Variants in ZFAT observed in about 807,000 individuals in gnomAD.
ZFAT encodes the protein zinc finger protein ZFAT.
ZFAT carries 64 observed loss-of-function variants against 117.7 expected under a neutral mutation model. The observed-to-expected ratio is 0.54, with a 90% confidence interval of 0.44 to 0.67. The LOEUF is 0.67. Among genes scored for constraint, ZFAT ranks in the 30% least tolerant of loss-of-function variants. The probability of loss-of-function intolerance (pLI) is 0.00; values close to 1 mark genes in which losing one functional copy is unlikely to be tolerated. For synonymous variants in ZFAT, 679 were observed against 615.0 expected (o/e 1.10, Z -1.54); for missense variants, 1,433 against 1,584.5 (o/e 0.90, Z 1.62).
At chr8:134,779,877 A>G in the ZFAT span, among the ~76,000 whole-genome samples, 7 of 152,164 alleles carry the variant, frequency 4.6e-5, no homozygotes, top group South Asian at 2.1e-4. Context: ...AAGGTAGGAT[A>G]AATGTGGTGA....
the ZFAT span, among the ~76,000 whole-genome samples, chr8:134,761,527 C>T: frequency 4.6e-3 from 694 of 151,240 alleles, 3 homozygotes; most frequent in Non-Finnish European, 7.4e-3. Context: ...TGGTGAAACC[C>T]CGTCTCTACT....
chr8:134,512,765 C>T (rs1313740235), intron 13 of ZFAT, among the ~76,000 whole-genome samples, 164 bp from the exon 14 acceptor site: 2 of 152,216 alleles, frequency 1.3e-5, no homozygotes, highest in African/African-American at 4.8e-5. Context: ...CCATACACTT[C>T]TCAAAGAGAA....
intron 1 of ZFAT, among the ~76,000 whole-genome samples, chr8:134,704,804 G>GA (rs1170451212): frequency 1.3e-5 from 2 of 151,348 alleles, no homozygotes; most frequent in African/African-American, 4.9e-5. Flanking sequence ...CCACGTGCAA[G>GA]AAAAAAACAT....
chr8:134,510,516 C>T (rs905113003), intron 14 of ZFAT, among the ~76,000 whole-genome samples: 1 of 152,124 alleles, frequency 6.6e-6, no homozygotes, highest in African/African-American at 2.4e-5. Flanking sequence ...AATAAGAGAT[C>T]AGAGAAGGGG....
chr8:134,653,990 A>T (rs994184556), intron 2 of ZFAT, among the ~76,000 whole-genome samples: 8 of 152,130 alleles, frequency 5.3e-5, no homozygotes, highest in African/African-American at 1.9e-4. Flanking sequence ...TATTGCTTTA[A>T]TTTTCTTTTA....
chr8:134,676,255 C>CAA lies in ZFAT; in HGVS notation c.20-18520_20-18519dup, dbSNP rs146638821. On this transcript the variant is annotated intron_variant, in intron 1 of 15. Transcript: ENST00000377838. The stretch of plus-strand genomic sequence containing the variant: ...GAAGATCTACCAAGCAAATGGAAAG[C>CAA]AAAAAAAAAAAAAAAAAAAAAAATC... Among the ~76,000 whole-genome samples the CAA allele has an allele frequency of 6.7e-3, 536 of 80,546 alleles. 7 individuals are homozygous for CAA. Among genetic ancestry groups the CAA allele is most frequent in the Non-Finnish European group, 8.7e-3 (373 of 42,984 alleles). 52.8% of individuals were successfully genotyped at this position (80,546 alleles called of 152,430 possible).
chr8:134,667,102 G>A (rs541408954), intron 1 of ZFAT, among the ~76,000 whole-genome samples: 55 of 152,296 alleles, frequency 3.6e-4, no homozygotes, highest in African/African-American at 1.2e-3. Context: ...CATGGACATA[G>A]GGAGGGGAAC....
intron 2 of ZFAT, among the ~76,000 whole-genome samples, chr8:134,638,549 C>CAAAGAA (rs1830373281): frequency 9.9e-6 from 1 of 101,076 alleles, no homozygotes; most frequent in Non-Finnish European, 2.1e-5. Flanking sequence ...ACTAAAAATA[C>CAAAGAA]AAAAAAAAAA....
At chr8:134,641,186 T>C (rs1830557586) in intron 2 of ZFAT, among the ~76,000 whole-genome samples, 2 of 152,038 alleles carry the variant, frequency 1.3e-5, no homozygotes. Context: ...AGGCCTGGCC[T>C]TCAAGGTCCT....
chr8:134,797,960 T>C, the ZFAT span: 2 of 151,438 alleles, frequency 1.3e-5, no homozygotes, highest in South Asian at 2.1e-4. Flanking sequence ...CATAATATGT[T>C]GCACTGAGTA....
At chr8:134,622,859 C>T (rs1410321663) in intron 3 of ZFAT, among the ~76,000 whole-genome samples, 1 of 152,140 alleles carries the variant, frequency 6.6e-6, no homozygotes, top group East Asian at 1.9e-4. Flanking sequence ...AGCTCTCTCC[C>T]TCGGTGTTCT....
intron 11 of ZFAT, among the ~76,000 whole-genome samples, chr8:134,556,555 A>G (rs908029146): frequency 6.6e-6 from 1 of 152,160 alleles, no homozygotes; most frequent in Non-Finnish European, 1.5e-5. Flanking sequence ...AAAAAAAAAG[A>G]GGAAAATCTT....
chr8:134,743,900 C>T, the ZFAT span, among the ~76,000 whole-genome samples: 3 of 152,160 alleles, frequency 2.0e-5, no homozygotes, highest in Non-Finnish European at 4.4e-5. Flanking sequence ...GCCAAAAGGG[C>T]ACACTGGTTT....
At chr8:134,639,125 A>G (rs1298738161) in intron 2 of ZFAT, among the ~76,000 whole-genome samples, 1 of 152,324 alleles carries the variant, frequency 6.6e-6, no homozygotes, top group East Asian at 1.9e-4. Context: ...TTGTGCTCAC[A>G]AATCAGAGAG....
intron 10 of ZFAT, among the ~76,000 whole-genome samples, chr8:134,580,442 C>T (rs1825639568): frequency 6.6e-6 from 1 of 152,280 alleles, no homozygotes; most frequent in East Asian, 1.9e-4. Flanking sequence ...GCACAGGTGA[C>T]CAATGGATTC....
intron 1 of ZFAT, among the ~76,000 whole-genome samples, chr8:134,682,294 A>G (rs931353942): frequency 6.6e-6 from 1 of 152,222 alleles, no homozygotes; most frequent in South Asian, 2.1e-4. Context: ...AACGCTGCCA[A>G]ATAAACTCAG....
At chr8:134,686,132 C>A (rs758537283) in intron 1 of ZFAT, among the ~76,000 whole-genome samples, 2 of 152,238 alleles carry the variant, frequency 1.3e-5, no homozygotes, top group Non-Finnish European at 2.9e-5. Flanking sequence ...GTAACTCAGA[C>A]CAACTCTGAC....
the ZFAT span, among the ~76,000 whole-genome samples, chr8:134,821,566 A>AT: frequency 1.3e-5 from 2 of 151,962 alleles, no homozygotes; most frequent in African/African-American, 2.4e-5. Flanking sequence ...AAAAAAAAGA[A>AT]TTTTTTCCCT....
chr8:134,693,932 T>C (rs990029585), intron 1 of ZFAT, among the ~76,000 whole-genome samples: 4 of 152,248 alleles, frequency 2.6e-5, no homozygotes, highest in Admixed American at 2.0e-4. Context: ...TCTCCTGCTA[T>C]GGTGTGCTGA....
Sources: gnomAD v4.1 joint callset for allele counts (sites outside exome capture counted in the v4.1 genomes callset) on GRCh38, gnomAD v4.1.1 for gene constraint, MANE v1.5 for transcripts, NCBI Gene and HGNC (gene_info 2026-07-23, HGNC 2026-07-21) for gene names.